Variants in TSR1 observed in about 807,000 individuals in gnomAD.
TSR1 encodes the protein TSR1 ribosome maturation factor, also known as pre-rRNA-processing protein TSR1 homolog.
In TSR1, 81 loss-of-function variants were observed where a neutral mutation model predicts 90.9. The ratio of observed to expected loss-of-function variants is 0.89; its 90% CI spans 0.74 to 1.07. TSR1 has a LOEUF of 1.07. TSR1 is among the 50% of genes least tolerant of loss of function. The pLI is 0.00. For synonymous variants in TSR1, 362 were observed against 348.8 expected (o/e 1.04, Z -0.42); for missense variants, 989 against 987.3 (o/e 1.00, Z -0.02).
Position 2,336,150 on chromosome 17 carries a change from A to C in TSR1, c.98-10T>G. ...TTCAGTGCCAGACGGCCTGAATGGCAGATTAGAAGGGGCTGGTGTGATCGG... is the reference window on the plus strand; with the variant it reads ...TTCAGTGCCAGACGGCCTGAATGGCCGATTAGAAGGGGCTGGTGTGATCGG... On this transcript the variant is annotated splice_polypyrimidine_tract_variant and intron_variant, in intron 1 of 14. Transcript: ENST00000301364. The C allele has an allele frequency of 6.2e-7, 1 of 1,613,856 alleles. No homozygotes were observed. Among genetic ancestry groups the C allele is most frequent in the Non-Finnish European group, 8.5e-7 (1 of 1,179,752 alleles).
In TSR1 at chr17:2,335,673, C is replaced by G; in HGVS notation, c.259G>C (p.Val87Leu). The G allele has an allele frequency of 3.7e-6, 6 of 1,614,080 alleles. No individual in the cohort carries two copies. Among genetic ancestry groups the G allele is most frequent in the Non-Finnish European group, 5.1e-6 (6 of 1,180,034 alleles). The change falls in exon 3 of 15, where the codon GTG becomes CTG. Residue 87 changes from valine (V) to leucine (L), a missense_variant. Physicochemically the swap from Val to Leu is conservative, Grantham distance 32. Transcript: ENST00000301364. ...GAAATTCTGCTGTGCAGGGGCACCA[C>G]CAGTACCTGATGAGGAGGGCCATCC... ...GKDGPPHQVLVVPLHSRISLP... is the reference protein window; with the variant it reads ...GKDGPPHQVLLVPLHSRISLP...
intron 11 of TSR1, among the ~76,000 whole-genome samples, chr17:2,328,352 G>T (rs1217252415): frequency 6.6e-6 from 1 of 150,966 alleles, no homozygotes; most frequent in Non-Finnish European, 1.5e-5. Context: ...TTCAAAACCA[G>T]CCTGAACTCC....
chr17:2,329,921 A>T (rs990957141), intron 10 of TSR1, among the ~76,000 whole-genome samples: 1 of 151,382 alleles, frequency 6.6e-6, no homozygotes, highest in African/African-American at 2.4e-5. Flanking sequence ...TTTGGCATAA[A>T]CTTTTTTTTT....
At chr17:2,328,261 A>G (rs1459068840) in intron 11 of TSR1, among the ~76,000 whole-genome samples, 3 of 145,712 alleles carry the variant, frequency 2.1e-5, no homozygotes, top group African/African-American at 5.1e-5. Context: ...AAAAAAAAAA[A>G]AGAGGCCAGG....
chr17:2,327,217 G>A (rs148491754), intron 11 of TSR1, among the ~76,000 whole-genome samples: 1,594 of 152,130 alleles, frequency 0.01, 17 homozygotes, highest in Non-Finnish European at 0.016. Flanking sequence ...AAGAGTTTGA[G>A]AACAGACTGG....
At chr17:2,329,899 A>C (rs1379281116) in intron 10 of TSR1, among the ~76,000 whole-genome samples, 1 of 151,660 alleles carries the variant, frequency 6.6e-6, no homozygotes, top group African/African-American at 2.4e-5. Context: ...CCAAGAGAAA[A>C]GAGATCTGCA....
intron 10 of TSR1, 143 bp downstream of exon 10, chr17:2,330,372 T>A: frequency 1.3e-6 from 1 of 785,006 alleles, no homozygotes; most frequent in Admixed American, 1.7e-5. Context: ...ACTTCTCTAT[T>A]ATTCTCCAAT....
At chr17:2,335,753 G>A (rs764165650) in intron 2 of TSR1, 23 bp from the exon 3 acceptor site, 32 of 1,605,746 alleles carry the variant, frequency 2.0e-5, no homozygotes, top group Non-Finnish European at 2.6e-5. Context: ...AGATATCCGA[G>A]AACATCTCAG....
intron 8 of TSR1, 115 bp downstream of exon 8, chr17:2,332,054 C>T: frequency 1.7e-6 from 2 of 1,173,922 alleles, no homozygotes; most frequent in Admixed American, 2.5e-5. Flanking sequence ...GTTAGCTCTT[C>T]AGGAGCAGAA....
rs2075549034 is a variant in TSR1, at chr17:2,323,247, A to G, written c.*949T>C. On this transcript the variant is annotated 3_prime_UTR_variant, in exon 15 of 15. Transcript: ENST00000301364. ...GCCCAATCTTTATCCTCCAGAAACC[A>G]TAGCAGATGGTGTCAAATCCAGCAT... 6.2e-7 allele frequency: 1 copy of G among 1,614,232 alleles called. No homozygotes were observed. The highest frequency in any genetic ancestry group is 8.5e-7 in the Non-Finnish European group (1 of 1,180,048).
At chr17:2,332,113 A>C in intron 8 of TSR1, 56 bp downstream of exon 8, 1 of 1,584,376 alleles carries the variant, frequency 6.3e-7, no homozygotes, top group Non-Finnish European at 8.5e-7. Flanking sequence ...CTCTGAGCCA[A>C]GTTTTTAAAA....
chr17:2,330,973 C>G lies in TSR1; in HGVS notation c.1633G>C (p.Glu545Gln). 1 of 1,596,160 alleles carries G rather than the reference C, an allele frequency of 6.3e-7. No homozygotes were observed. The highest frequency in any genetic ancestry group is 1.1e-5 in the South Asian group (1 of 87,068). ...NTRKSIFKEV[E>Q]EKEVEGAEVG... Reference sequence around the variant, plus strand: ...TCAGCTCCTTCAACCTCTTTTTCTTCAACCTCTTTAAAGATGCTTTTCCTA... The same window carrying G: ...TCAGCTCCTTCAACCTCTTTTTCTTGAACCTCTTTAAAGATGCTTTTCCTA... The change falls in exon 9 of 15, where the codon GAA becomes CAA. Residue 545 changes from glutamate to glutamine, a missense_variant. Physicochemically the swap from Glu to Gln is conservative, Grantham distance 29 (BLOSUM62 2). Transcript: ENST00000301364.
intron 5 of TSR1, among the ~76,000 whole-genome samples, chr17:2,334,119 T>C (rs1020568727): frequency 2.0e-5 from 3 of 152,214 alleles, no homozygotes; most frequent in African/African-American, 7.2e-5. Flanking sequence ...TGATCTCTTA[T>C]GTGAAGCTTG....
Position 2,323,365 on chromosome 17 carries a change from A to C in TSR1, c.*831T>G. ...ATTAAGGTGAGGCTCCAGCAAGAAA[A>C]GAAATAGCAAAGCATGGTGTAACTT... On this transcript the variant is annotated 3_prime_UTR_variant, in exon 15 of 15. Coordinates refer to ENST00000301364, the MANE Select transcript of TSR1 (RefSeq NM_018128.5). 6.2e-6 allele frequency: 10 copies of C among 1,613,526 alleles called. No individual in the cohort carries two copies. In the South Asian group the frequency reaches 1.1e-4, roughly 18 times the overall value.
At chr17:2,333,277 G>T in intron 6 of TSR1, 153 bp from the exon 7 acceptor site, 1 of 954,310 alleles carries the variant, frequency 1.0e-6, no homozygotes, top group Non-Finnish European at 1.6e-6. Flanking sequence ...TAATTCAGCT[G>T]CCTCACAACT....
intron 11 of TSR1, among the ~76,000 whole-genome samples, chr17:2,327,977 G>A (rs8080919): frequency 0.24 from 35,896 of 151,512 alleles, 4,416 homozygotes; most frequent in Admixed American, 0.33. Context: ...CTGGCCAGGC[G>A]CAGTGGCTCA....
chr17:2,334,872 C>T lies in TSR1; in HGVS notation c.581G>A (p.Gly194Asp). The T allele has an allele frequency of 6.2e-7, 1 of 1,612,466 alleles. No individual in the cohort carries two copies. Reference protein sequence around the residue: ...TYTLAVQGISGLPLKKQIDTR... With the variant: ...TYTLAVQGISDLPLKKQIDTR... ...ATCTATTTGTTTCTTCAGTGGGAGGCCAGAAATCCCCTGGACAGCTAGTGC... is the reference window on the plus strand; with the variant it reads ...ATCTATTTGTTTCTTCAGTGGGAGGTCAGAAATCCCCTGGACAGCTAGTGC... The change falls in exon 5 of 15, where the codon GGC becomes GAC. Residue 194 changes from glycine to aspartate, a missense_variant. Transcript: ENST00000301364.
intron 1 of TSR1, 40 bp downstream of exon 1, chr17:2,336,291 C>G: frequency 6.2e-7 from 1 of 1,609,950 alleles, no homozygotes; most frequent in Non-Finnish European, 8.5e-7. Context: ...GAGTTAATAA[C>G]GGCCAAATAG....
Position 2,324,212 on chromosome 17 carries a change from T to G in TSR1, c.2399A>C (p.Gln800Pro). Residue 800 changes from glutamine to proline, a missense_variant, in exon 15 of 15, where the codon CAA becomes CCA. Transcript: ENST00000301364. The stretch of plus-strand genomic sequence containing the variant: ...TTGAATCCATTACTCCATGCCCCCT[T>G]GAGGCACTGTTGAAGAAATCTCACT... ...LKSEISSTVP[Q>P]GGME 6.6e-7 allele frequency: 1 copy of G among 1,523,286 alleles called. No individual in the cohort carries two copies. The highest frequency in any genetic ancestry group is 8.8e-7 in the Non-Finnish European group (1 of 1,140,554). 94.4% of individuals were successfully genotyped at this position (1,523,286 alleles called of 1,614,324 possible). A position where few individuals can be genotyped will look rare whatever the true frequency, so the allele number is the denominator to read the frequency against.
Sources: gnomAD v4.1 joint callset for allele counts (sites outside exome capture counted in the v4.1 genomes callset) on GRCh38, gnomAD v4.1.1 for gene constraint, MANE v1.5 for transcripts, NCBI Gene and HGNC (gene_info 2026-07-23, HGNC 2026-07-21) for gene names.